The following WWOX variants were observed in gnomAD, a reference collection of about 807,000 sequenced individuals.
WWOX encodes WW domain containing oxidoreductase.
A neutral mutation model predicts 46.2 loss-of-function variants in WWOX; 69 were observed. The ratio of observed to expected loss-of-function variants is 1.49; its 90% CI spans 1.23 to 1.82. The LOEUF (loss-of-function observed/expected upper bound fraction) is 1.82. Ranked by LOEUF, WWOX falls within the 40% of genes most tolerant of loss-of-function variation. The pLI, the probability that WWOX is intolerant of heterozygous loss-of-function variation, is 0.00. For synonymous variants in WWOX, 359 were observed against 202.6 expected, an observed-to-expected ratio of 1.77 and a Z score of -6.56; for missense variants, 919 against 542.6, an observed-to-expected ratio of 1.69 and a Z score of -6.89.
At chr16:79,180,124 G>C (rs1273601465) in intron 8 of WWOX, among the ~76,000 whole-genome samples, 2 of 152,180 alleles carry the variant, frequency 1.3e-5, no homozygotes, top group African/African-American at 4.8e-5. Flanking sequence ...TGTTAGAAGA[G>C]ACTCTGGGGA....
In WWOX at chr16:78,432,533, C is replaced by A; in HGVS notation, c.837C>A (p.Arg279=). 6.2e-7 allele frequency: 1 copy of A among 1,614,106 alleles called. No individual in the cohort carries two copies. Among genetic ancestry groups the A allele is most frequent in the East Asian group, 2.2e-5 (1 of 44,866 alleles). The change falls in exon 8 of 9, where the codon CGC becomes CGA. Residue 279 remains arginine (R), a synonymous_variant. Coordinates refer to ENST00000566780, the MANE Select transcript of WWOX (RefSeq NM_016373.4). ...CCTTGGGAAAACTGGACTTCAGTCG[C>A]CTCTCTCCAACAAAAAACGACTATT... The part of the protein sequence containing the change: ...NDSLGKLDFS[R]LSPTKNDYWA...
intron 8 of WWOX, among the ~76,000 whole-genome samples, chr16:78,618,317 A>C (rs1221576834): frequency 1.3e-5 from 2 of 152,206 alleles, no homozygotes; most frequent in East Asian, 3.9e-4. Flanking sequence ...CAGGTGGCTT[A>C]AACAACAGGA....
chr16:78,918,242 C>T (rs1430230718), intron 8 of WWOX, among the ~76,000 whole-genome samples: 1 of 151,884 alleles, frequency 6.6e-6, no homozygotes, highest in Non-Finnish European at 1.5e-5. Flanking sequence ...AAAGCCCTAT[C>T]AAAATTTTAA....
intron 5 of WWOX, among the ~76,000 whole-genome samples, chr16:78,364,694 T>C (rs974325270): frequency 1.2e-4 from 18 of 152,162 alleles, no homozygotes; most frequent in Non-Finnish European, 2.5e-4. Flanking sequence ...TGTCACTTTG[T>C]AAATACATTC....
At chr16:79,004,741 C>A (rs1369592497) in intron 8 of WWOX, 4 of 152,196 alleles carry the variant, frequency 2.6e-5, no homozygotes, top group African/African-American at 9.7e-5. Flanking sequence ...CTTGAAAGTC[C>A]AGCTGTGTAT....
chr16:78,860,284 A>T (rs917326759), intron 8 of WWOX, among the ~76,000 whole-genome samples: 1 of 152,184 alleles, frequency 6.6e-6, no homozygotes, highest in Non-Finnish European at 1.5e-5. Context: ...CAGTAAATGG[A>T]TGGATGAATG....
intron 5 of WWOX, among the ~76,000 whole-genome samples, chr16:78,233,139 G>C (rs1245893230): frequency 6.6e-6 from 1 of 152,182 alleles, no homozygotes; most frequent in Admixed American, 6.5e-5. Context: ...AACCAGTTCA[G>C]GTTCAAACTC....
At chr16:79,105,620 C>T (rs1021636454) in intron 8 of WWOX, among the ~76,000 whole-genome samples, 5 of 151,316 alleles carry the variant, frequency 3.3e-5, no homozygotes, top group African/African-American at 1.2e-4. Flanking sequence ...CCTATATAAT[C>T]TGCTTTCTTT....
At chr16:78,672,811 A>AATGAGAAC (rs1567479905) in intron 8 of WWOX, among the ~76,000 whole-genome samples, 1 of 152,212 alleles carries the variant, frequency 6.6e-6, no homozygotes, top group African/African-American at 2.4e-5. Flanking sequence ...GATAACAGCC[A>AATGAGAAC]TCTGACTTGA....
chr16:78,760,761 A>G (rs1310230236), intron 8 of WWOX, among the ~76,000 whole-genome samples: 1 of 152,220 alleles, frequency 6.6e-6, no homozygotes, highest in Non-Finnish European at 1.5e-5. Context: ...GGAGAGCATT[A>G]CAGGCTGCAT....
chr16:79,009,304 C>G (rs1418582125), intron 8 of WWOX, among the ~76,000 whole-genome samples: 2 of 152,144 alleles, frequency 1.3e-5, no homozygotes, highest in Admixed American at 6.5e-5. Context: ...GGGGCGCTTT[C>G]TGGAATCTTT....
At chr16:78,636,281 C>T (rs1019716164) in intron 8 of WWOX, among the ~76,000 whole-genome samples, 3 of 152,152 alleles carry the variant, frequency 2.0e-5, no homozygotes, top group African/African-American at 4.8e-5. Context: ...TACTGTGTGT[C>T]AATTGCTCTA....
At chr16:78,570,260 T>TTGC (rs774713837) in intron 8 of WWOX, among the ~76,000 whole-genome samples, 12 of 152,190 alleles carry the variant, frequency 7.9e-5, no homozygotes, top group Non-Finnish European at 1.5e-4. Flanking sequence ...ATATAAAAAC[T>TTGC]TGCGTATAAA....
In WWOX at chr16:78,392,058, C is replaced by T. The variant is rs891314248; in HGVS notation, c.605+5110C>T. ...AACAGATTTAAGGGACCAGGGTGTTCTCTAGAGCAGGGGTCCATGACCTCT... is the reference window on the plus strand; with the variant it reads ...AACAGATTTAAGGGACCAGGGTGTTTTCTAGAGCAGGGGTCCATGACCTCT... On this transcript the variant is annotated intron_variant, in intron 6 of 8. Coordinates refer to ENST00000566780, the MANE Select transcript of WWOX (RefSeq NM_016373.4). Among the ~76,000 whole-genome samples, 4 of 150,238 alleles carry T rather than the reference C, an allele frequency of 2.7e-5. No homozygotes were observed. The Admixed American group carries it at 2.7e-4, about 10-fold the overall frequency.
intron 8 of WWOX, among the ~76,000 whole-genome samples, chr16:79,033,159 A>G (rs1206238554): frequency 1.4e-5 from 2 of 146,264 alleles, no homozygotes; most frequent in South Asian, 2.1e-4. Context: ...TATATAATAT[A>G]TATATAAAAT....
intron 8 of WWOX, among the ~76,000 whole-genome samples, chr16:79,038,615 T>A (rs1253363087): frequency 6.6e-6 from 1 of 152,176 alleles, no homozygotes; most frequent in Non-Finnish European, 1.5e-5. Context: ...AATGGTGCAA[T>A]CTCAGCTCAC....
At chr16:78,911,658 G>A (rs927803245) in intron 8 of WWOX, among the ~76,000 whole-genome samples, 1 of 151,948 alleles carries the variant, frequency 6.6e-6, no homozygotes. Context: ...TTGAAGTCAG[G>A]AGTTTGAGAC....
chr16:79,089,737 C>T (rs1471862652), intron 8 of WWOX, among the ~76,000 whole-genome samples: 1 of 152,118 alleles, frequency 6.6e-6, no homozygotes, highest in Non-Finnish European at 1.5e-5. Flanking sequence ...AACAGATTAC[C>T]ATATTAGTTG....
At chr16:78,548,175 A>AATTC (rs1555560956) in intron 8 of WWOX, among the ~76,000 whole-genome samples, 2 of 49,506 alleles carry the variant, frequency 4.0e-5, no homozygotes, top group Non-Finnish European at 1.1e-4. Context: ...AAAAAAAAAA[A>AATTC]AAATTACGAA....
Sources: gnomAD v4.1 joint callset for allele counts (sites outside exome capture counted in the v4.1 genomes callset) on GRCh38, gnomAD v4.1.1 for gene constraint, MANE v1.5 for transcripts, NCBI Gene and HGNC (gene_info 2026-07-23, HGNC 2026-07-21) for gene names.